Variants in TTBK1 observed in about 807,000 individuals in gnomAD.
TTBK1 encodes tau tubulin kinase 1, also known as tau-tubulin kinase 1.
In TTBK1, 34 loss-of-function variants were observed where a neutral mutation model predicts 108.5. The ratio of observed to expected loss-of-function variants is 0.31; its 90% CI spans 0.24 to 0.42. The LOEUF (loss-of-function observed/expected upper bound fraction) is 0.42. TTBK1 is among the 10% of genes least tolerant of loss of function. The pLI, the probability that TTBK1 is intolerant of heterozygous loss-of-function variation, is 1.00. For missense variants in TTBK1, 1,539 were observed against 1,826.0 expected (o/e 0.84, Z 2.86); for synonymous variants, 809 against 795.1 (o/e 1.02, Z -0.29).
chr6:43,285,538 G>T lies in TTBK1; in HGVS notation c.*162G>T. On this transcript the variant is annotated 3_prime_UTR_variant, in exon 15 of 15. Transcript: ENST00000259750. This position sits in a 1 kb window ranked among gnomAD's most constrained non-coding sequence, Gnocchi z 4.7. ...CGCGAGGACGCGCGCGAGCACACGCGGCGCCCCGCCAGGCCTTAGGGCCCG... is the reference window on the plus strand; with the variant it reads ...CGCGAGGACGCGCGCGAGCACACGCTGCGCCCCGCCAGGCCTTAGGGCCCG... The T allele has an allele frequency of 1.0e-6, 1 of 992,236 alleles. No individual in the cohort carries two copies. Among genetic ancestry groups the T allele is most frequent in the East Asian group, 3.5e-5 (1 of 28,318 alleles). 61.5% of individuals were successfully genotyped at this position (992,236 alleles called of 1,614,324 possible). A position where few individuals can be genotyped will look rare whatever the true frequency, so the allele number is the denominator to read the frequency against.
rs564778177 is a variant in TTBK1, at chr6:43,253,663, C to T, written c.426C>T (p.Ile142=). The change falls in exon 5 of 15, where the codon ATC becomes ATT. Residue 142 remains isoleucine (I), a synonymous_variant. Transcript: ENST00000259750. This position sits in a 1 kb window ranked among gnomAD's most constrained non-coding sequence, Gnocchi z 5.8. ...TGGGCAAGCAGATCTTGGAGTCCAT[C>T]GAGGCCATCCACTCTGTGGGCTTCC... is the stretch of plus-strand genomic sequence containing the variant. ...LRLGKQILES[I]EAIHSVGFLH... 90 of 1,612,512 alleles carry T rather than the reference C, an allele frequency of 5.6e-5. No homozygotes were observed. The South Asian group carries it at 8.7e-4, about 16-fold the overall frequency.
In TTBK1 at chr6:43,270,732, T is replaced by A. The variant is rs944909542; in HGVS notation, c.1986+7382T>A. 20 of 985,202 alleles carry A rather than the reference T, an allele frequency of 2.0e-5. No homozygotes were observed. In the African/African-American group the frequency reaches 3.3e-4, roughly 16 times the overall value. 61.0% of individuals were successfully genotyped at this position (985,202 alleles called of 1,614,324 possible). A position where few individuals can be genotyped will look rare whatever the true frequency, so the allele number is the denominator to read the frequency against. On this transcript the variant is annotated intron_variant, in intron 13 of 14. Coordinates refer to ENST00000259750, the MANE Select transcript of TTBK1 (RefSeq NM_032538.3). ...GAACTGAGGATGGATGAGAGGGGCC[T>A]GGGATCCACCTCCCAAGGCAGGCTG... is the stretch of plus-strand genomic sequence containing the variant.
In TTBK1 at chr6:43,283,311, C is replaced by A; in HGVS notation, c.2571C>A (p.Pro857=). The change falls in exon 14 of 15, where the codon CCC becomes CCA. Residue 857 remains proline (P), a synonymous_variant. Transcript: ENST00000259750. The surrounding 1 kb of genome is among the most constrained non-coding windows in gnomAD (Gnocchi z 8.1). ...TCACTGCCGAACTGGCCCCCGACCC[C>A]GACCTGGGCACCCTGGCTGCCCTCA... ...SPVTAELAPD[P]DLGTLAALTP... The A allele has an allele frequency of 6.3e-7, 1 of 1,580,684 alleles. No individual in the cohort carries two copies. The highest frequency in any genetic ancestry group is 2.3e-5 in the East Asian group (1 of 42,714).
rs1366834650 is a variant in TTBK1 at position 43,257,351 on chromosome 6, C to G, written c.862-461C>G. 1.3e-5 allele frequency among the ~76,000 whole-genome samples: 2 copies of G among 152,210 alleles called. No homozygotes were observed. Among genetic ancestry groups the G allele is most frequent in the Non-Finnish European group, 2.9e-5 (2 of 68,034 alleles). On this transcript the variant is annotated intron_variant, in intron 9 of 14. Coordinates refer to ENST00000259750, the MANE Select transcript of TTBK1 (RefSeq NM_032538.3). The surrounding 1 kb of genome is among the most constrained non-coding windows in gnomAD (Gnocchi z 4.5). ...CATGTGGACAATTCAAACTGATGCACTGTGCCCTGTAGGGCAGCTGTATGG... is the reference window on the plus strand; with the variant it reads ...CATGTGGACAATTCAAACTGATGCAGTGTGCCCTGTAGGGCAGCTGTATGG...
In TTBK1 at chr6:43,278,243, C is replaced by G. The variant is rs148168158; in HGVS notation, c.1987-4484C>G. 2.2e-4 allele frequency among the ~76,000 whole-genome samples: 34 copies of G among 152,314 alleles called. 1 individual carries two copies. The highest frequency in any genetic ancestry group is 8.2e-4 in the African/African-American group (34 of 41,558). ...AAGATCAGAGTCTGGTCCATCCTCT[C>G]CCTTCACTTTTCCTCCTAACTGGAG... On this transcript the variant is annotated intron_variant, in intron 13 of 14. Transcript: ENST00000259750.
At chr6:43,278,335 T>C (rs1778064348) in intron 13 of TTBK1, among the ~76,000 whole-genome samples, 1 of 152,150 alleles carries the variant, frequency 6.6e-6, no homozygotes, top group African/African-American at 2.4e-5. Context: ...GCACAGTGCA[T>C]GGAGGGGAGG....
At position 43,287,350 on chromosome 6, in the gene TTBK1, T is replaced by G. The variant is rs1185789279; in HGVS notation, c.*1974T>G. Reference sequence around the variant, plus strand: ...GATATGACTCCTGGTGCCCAGGCCCTGGGCCTGCTCCTTGCCACCAACCGA... The same window carrying G: ...GATATGACTCCTGGTGCCCAGGCCCGGGGCCTGCTCCTTGCCACCAACCGA... On this transcript the variant is annotated 3_prime_UTR_variant, in exon 15 of 15. Transcript: ENST00000259750. This position sits in a 1 kb window ranked among gnomAD's most constrained non-coding sequence, Gnocchi z 4.1. The G allele has an allele frequency of 1.3e-5, 2 of 152,526 alleles. No individual in the cohort carries two copies. The highest frequency in any genetic ancestry group is 4.8e-5 in the African/African-American group (2 of 41,338). The allele number at this position is 152,526 out of a possible 1,614,324, so 9.4% of individuals were successfully genotyped here.
In TTBK1 at chr6:43,285,257, C is replaced by T; in HGVS notation, c.3847C>T (p.Pro1283Ser). The T allele has an allele frequency of 7.7e-7, 1 of 1,295,878 alleles. No homozygotes were observed. The highest frequency in any genetic ancestry group is 3.1e-5 in the East Asian group (1 of 31,976). 80.3% of individuals were successfully genotyped at this position (1,295,878 alleles called of 1,614,324 possible). Residue 1283 changes from proline to serine, a missense_variant, in exon 15 of 15, where the codon CCT becomes TCT. Coordinates refer to ENST00000259750, the MANE Select transcript of TTBK1 (RefSeq NM_032538.3). This position sits in a 1 kb window ranked among gnomAD's most constrained non-coding sequence, Gnocchi z 4.7. ...GGGCGTCCCGCCGGCCCGGGCCCAG[C>T]CTGATGGCACCCCCTCCCCCGGGGG... ...PRGVPPARAQPDGTPSPGGSK... is the reference protein window; with the variant it reads ...PRGVPPARAQSDGTPSPGGSK...
rs947734005 is a variant in TTBK1, at chr6:43,276,509, G to A, written c.1987-6218G>A. 4.6e-5 allele frequency among the ~76,000 whole-genome samples: 7 copies of A among 152,082 alleles called. No homozygotes were observed. The highest frequency in any genetic ancestry group is 1.7e-4 in the African/African-American group (7 of 41,422). On this transcript the variant is annotated intron_variant, in intron 13 of 14. Transcript: ENST00000259750. This position sits in a 1 kb window ranked among gnomAD's most constrained non-coding sequence, Gnocchi z 5.4. Reference sequence around the variant, plus strand: ...GGGTGGGACACGGACACGCACCCACGCGCACACGGCCGCGCACGGGCGGGG... The same window carrying A: ...GGGTGGGACACGGACACGCACCCACACGCACACGGCCGCGCACGGGCGGGG...
intron 2 of TTBK1, 46 bp downstream of exon 2, chr6:43,246,814 A>G (rs1202032625): frequency 2.0e-6 from 3 of 1,517,458 alleles, no homozygotes; most frequent in Non-Finnish European, 2.7e-6. Flanking sequence ...GCGGGGAGGG[A>G]GGCGAGGACC....
chr6:43,259,303 CT>C lies in TTBK1; in HGVS notation c.1248+38del. 1 of 1,499,354 alleles carries C rather than the reference CT, an allele frequency of 6.7e-7. No homozygotes were observed. The highest frequency in any genetic ancestry group is 9.0e-7 in the Non-Finnish European group (1 of 1,113,606). 92.9% of individuals were successfully genotyped at this position (1,499,354 alleles called of 1,614,324 possible). A position where few individuals can be genotyped will look rare whatever the true frequency, so the allele number is the denominator to read the frequency against. On this transcript the variant is annotated intron_variant, in intron 11 of 14. Transcript: ENST00000259750. The surrounding 1 kb of genome is among the most constrained non-coding windows in gnomAD (Gnocchi z 6.7). ...CGCCAGGGCGAAGGGCGTGGGTGGC[CT>C]TTTCTCTCACCCCCGATTCCCAGCC...
chr6:43,271,984 G>A (rs1417215515), intron 13 of TTBK1: 1 of 984,990 alleles, frequency 1.0e-6, no homozygotes, highest in Non-Finnish European at 1.2e-6. Flanking sequence ...AGGCAGGAGA[G>A]GGTCAAGGTG....
rs1381595263 is a variant in TTBK1, at chr6:43,265,627, C to T, written c.1986+2277C>T. 1.3e-5 allele frequency among the ~76,000 whole-genome samples: 2 copies of T among 152,164 alleles called. No homozygotes were observed. Among genetic ancestry groups the T allele is most frequent in the Admixed American group, 1.3e-4 (2 of 15,276 alleles). ...CAAAATGTGTTTGGGGTCCTTGCTC[C>T]GCTCCCGTTTATTCATCCACACTCA... On this transcript the variant is annotated intron_variant, in intron 13 of 14. Transcript: ENST00000259750. This position sits in a 1 kb window ranked among gnomAD's most constrained non-coding sequence, Gnocchi z 4.1.
chr6:43,278,982 G>A (rs548144011), intron 13 of TTBK1, among the ~76,000 whole-genome samples: 15 of 152,224 alleles, frequency 9.9e-5, no homozygotes, highest in Non-Finnish European at 1.8e-4. Context: ...AGGGTTCCAG[G>A]TGTCCCCATG....
At chr6:43,280,512 T>C (rs1179244736) in intron 13 of TTBK1, among the ~76,000 whole-genome samples, 1 of 152,210 alleles carries the variant, frequency 6.6e-6, no homozygotes, top group African/African-American at 2.4e-5. Context: ...AGTTTCCTGA[T>C]ATAGAGAAAA....
Position 43,285,524 on chromosome 6 carries a change from G to A in TTBK1, c.*148G>A, listed in dbSNP as rs1369634920. ...TTTCCGCCTGCACCCGCGAGGACGC[G>A]CGCGAGCACACGCGGCGCCCCGCCA... On this transcript the variant is annotated 3_prime_UTR_variant, in exon 15 of 15. Transcript: ENST00000259750. The surrounding 1 kb of genome is among the most constrained non-coding windows in gnomAD (Gnocchi z 4.7). 3 of 1,084,874 alleles carry A rather than the reference G, an allele frequency of 2.8e-6. No homozygotes were observed. The highest frequency in any genetic ancestry group is 3.5e-6 in the Non-Finnish European group (3 of 859,840). 67.2% of individuals were successfully genotyped at this position (1,084,874 alleles called of 1,614,324 possible).
chr6:43,285,480 C>G lies in TTBK1; in HGVS notation c.*104C>G. On this transcript the variant is annotated 3_prime_UTR_variant, in exon 15 of 15. Transcript: ENST00000259750. The surrounding 1 kb of genome is among the most constrained non-coding windows in gnomAD (Gnocchi z 4.7). ...AGCACAGCCTTACGCGCCCGACGCGCGCCACCCGCGGCCCCAGCTTTCCGC... is the reference window on the plus strand; with the variant it reads ...AGCACAGCCTTACGCGCCCGACGCGGGCCACCCGCGGCCCCAGCTTTCCGC... The G allele has an allele frequency of 8.2e-7, 1 of 1,219,844 alleles. No individual in the cohort carries two copies. Among genetic ancestry groups the G allele is most frequent in the African/African-American group, 1.6e-5 (1 of 63,902 alleles). The allele number at this position is 1,219,844 out of a possible 1,614,324, so 75.6% of individuals were successfully genotyped here. A position where few individuals can be genotyped will look rare whatever the true frequency, so the allele number is the denominator to read the frequency against.
At position 43,246,686 on chromosome 6, in the gene TTBK1, AG is replaced by A; in HGVS notation, c.28del (p.Asp10ThrfsTer5). On this transcript the variant is annotated frameshift_variant, in exon 2 of 15. Coordinates refer to ENST00000259750, the MANE Select transcript of TTBK1 (RefSeq NM_032538.3). LOFTEE classifies it high-confidence loss of function. ...ATGCAGTGCCTAGCGGCCGCCCTTAAGGACGAAACCAACATGAGTGGGGGAG... is the reference window on the plus strand; with the variant it reads ...ATGCAGTGCCTAGCGGCCGCCCTTAAGACGAAACCAACATGAGTGGGGGAG... MQCLAAAL[K>X]DETNMSGGGE... 6.2e-7 allele frequency: 1 copy of A among 1,611,206 alleles called. No individual in the cohort carries two copies. The highest frequency in any genetic ancestry group is 8.5e-7 in the Non-Finnish European group (1 of 1,178,772).
chr6:43,269,504 C>A lies in TTBK1; in HGVS notation c.1986+6154C>A, dbSNP rs1225095157. The A allele has an allele frequency of 2.0e-6, 2 of 976,056 alleles. No individual in the cohort carries two copies. The highest frequency in any genetic ancestry group is 3.4e-5 in the African/African-American group (2 of 58,916). 60.5% of individuals were successfully genotyped at this position (976,056 alleles called of 1,614,324 possible). On this transcript the variant is annotated intron_variant, in intron 13 of 14. Coordinates refer to ENST00000259750, the MANE Select transcript of TTBK1 (RefSeq NM_032538.3). This position sits in a 1 kb window ranked among gnomAD's most constrained non-coding sequence, Gnocchi z 4.8. ...CCTTGGGGCGGGTGGTTTGCACCCT[C>A]CTCCACCCTGCCTGACCCCGCCCAC...
Sources: allele counts gnomAD v4.1 joint callset (sites outside exome capture counted in the v4.1 genomes callset), GRCh38; gene constraint gnomAD v4.1.1; non-coding constraint Gnocchi (gnomAD v3.1); transcripts MANE v1.5; gene names NCBI Gene and HGNC (gene_info 2026-07-23, HGNC 2026-07-21).